LAMA3: variants seen among roughly 807,000 people sequenced by gnomAD.
LAMA3 encodes laminin subunit alpha-3.
In LAMA3, 281 loss-of-function variants were observed where a neutral mutation model predicts 402.0. The ratio of observed to expected loss-of-function variants is 0.70; its 90% CI spans 0.63 to 0.77. LAMA3 has a LOEUF of 0.77. Among genes scored for constraint, LAMA3 ranks in the 30% least tolerant of loss-of-function variants. LAMA3 has a pLI of 0.00. For missense variants in LAMA3, 3,840 were observed against 4,215.5 expected (o/e 0.91, Z 2.47); for synonymous variants, 1,431 against 1,558.4 (o/e 0.92, Z 1.93).
chr18:23,822,160 T>A, intron 19 of LAMA3, 92 bp from the exon 20 acceptor site: 1 of 1,378,650 alleles, frequency 7.3e-7, no homozygotes. Context: ...ACAAGTCCAG[T>A]AGTGACACTT....
intron 11 of LAMA3, among the ~76,000 whole-genome samples, chr18:23,783,558 G>A (rs1354227781): frequency 6.6e-6 from 1 of 152,216 alleles, no homozygotes; most frequent in Non-Finnish European, 1.5e-5. Context: ...TGGCTGTGGG[G>A]AAGGCCAGTG....
In LAMA3 at chr18:23,904,604, C is replaced by T. The variant is rs199949401; in HGVS notation, c.6525C>T (p.Ala2175=). The T allele has an allele frequency of 4.7e-5, 75 of 1,612,176 alleles. No homozygotes were observed. Among genetic ancestry groups the T allele is most frequent in the African/African-American group, 1.2e-4 (9 of 74,956 alleles). The change falls in exon 51 of 75, where the codon GCC becomes GCT. Residue 2175 remains alanine, a synonymous_variant. Coordinates refer to ENST00000313654, the MANE Select transcript of LAMA3 (RefSeq NM_198129.4). ...GDELVRCAVD[A]ATAYENILNA... is the part of the protein sequence containing the mutation. ...AGCTGGTGCGCTGTGCTGTGGATGC[C>T]GCCACCGCCTACGAGAACATCCTCA...
rs1000013857 is a variant in LAMA3, at chr18:23,853,186, A to AAAAT, written c.4137-4643_4137-4640dup. Among the ~76,000 whole-genome samples the AAAAT allele has an allele frequency of 5.3e-5, 8 of 152,324 alleles. No individual in the cohort carries two copies. The South Asian group carries it at 6.2e-4, about 12-fold the overall frequency. ...AGGCACTCAATAATTCTTGAGTGAAAAAATAAATAAATAAATAAGGTAGAT... is the reference window on the plus strand; with the variant it reads ...AGGCACTCAATAATTCTTGAGTGAAAAAATAAATAAATAAATAAATAAGGTAGAT... On this transcript the variant is annotated intron_variant, in intron 32 of 74. Transcript: ENST00000313654.
chr18:23,717,575 C>CA (rs2061126958), intron 2 of LAMA3, among the ~76,000 whole-genome samples: 1 of 96,254 alleles, frequency 1.0e-5, no homozygotes, highest in Admixed American at 1.6e-4. Context: ...TTTTTTGAGA[C>CA]AGAGTCTCAC....
chr18:23,717,719 A>ATT (rs1568109215), intron 2 of LAMA3, among the ~76,000 whole-genome samples: 2,671 of 116,642 alleles, frequency 0.023, 719 homozygotes, highest in East Asian at 0.11. Context: ...TGCCTGGCTA[A>ATT]ATTTTTTTTT....
rs569932442 is a variant in LAMA3, at chr18:23,777,916, G to A, written c.1468+297G>A. Among the ~76,000 whole-genome samples the A allele has an allele frequency of 1.8e-4, 27 of 152,260 alleles. 1 individual carries two copies. The South Asian group carries it at 2.7e-3, about 15-fold the overall frequency. On this transcript the variant is annotated intron_variant, in intron 11 of 74. Transcript: ENST00000313654. ...GTCTGTTGTCTTTTTTGAGTTCCCC[G>A]AAAACAGACCCTGAAAAAGGAATGG... is the stretch of plus-strand genomic sequence containing the variant.
At chr18:23,952,857 A>G in intron 73 of LAMA3, 133 bp from the exon 74 acceptor site, 1 of 1,102,114 alleles carries the variant, frequency 9.1e-7, no homozygotes, top group Non-Finnish European at 1.4e-6. Flanking sequence ...TTGAATTTAT[A>G]TCTAAGCTGA....
At chr18:23,859,689 C>T (rs992650517) in intron 34 of LAMA3, among the ~76,000 whole-genome samples, 4 of 152,206 alleles carry the variant, frequency 2.6e-5, no homozygotes, top group Admixed American at 6.5e-5. Context: ...GGCATGCAGA[C>T]GTGTTTACCC....
chr18:23,870,630 T>C (rs952378799), intron 37 of LAMA3, among the ~76,000 whole-genome samples: 2 of 152,180 alleles, frequency 1.3e-5, no homozygotes, highest in East Asian at 1.9e-4. Context: ...TATATAGATA[T>C]ATGCAATGGA....
intron 39 of LAMA3, among the ~76,000 whole-genome samples, chr18:23,878,014 G>A (rs2064778585): frequency 6.6e-6 from 1 of 152,324 alleles, no homozygotes; most frequent in Admixed American, 6.5e-5. Flanking sequence ...TTGGGAGGCT[G>A]AGGCAGGAGA....
chr18:23,737,582 T>A (rs1365892581), intron 2 of LAMA3, among the ~76,000 whole-genome samples: 1 of 152,240 alleles, frequency 6.6e-6, no homozygotes, highest in East Asian at 1.9e-4. Flanking sequence ...ACCTGGGATG[T>A]GCCTTCTCAT....
Position 23,783,871 on chromosome 18 carries a change from T to G in LAMA3, c.1469-152T>G, listed in dbSNP as rs2062486828. The stretch of plus-strand genomic sequence containing the variant: ...TTTTGTGAATTTTTAAAAATTTCCC[T>G]TCAACGCAGTGTAGTCTTCTGCGTT... On this transcript the variant is annotated intron_variant, in intron 11 of 74. Coordinates refer to ENST00000313654, the MANE Select transcript of LAMA3 (RefSeq NM_198129.4). 3 of 1,034,786 alleles carry G rather than the reference T, an allele frequency of 2.9e-6. No homozygotes were observed. In the South Asian group the frequency reaches 4.0e-5, roughly 14 times the overall value. 64.1% of individuals were successfully genotyped at this position (1,034,786 alleles called of 1,614,324 possible).
chr18:23,800,560 T>C (rs759503391), intron 12 of LAMA3, among the ~76,000 whole-genome samples: 19 of 152,176 alleles, frequency 1.2e-4, no homozygotes, highest in Non-Finnish European at 1.8e-4. Context: ...TCTCTTCTAG[T>C]TTTTTGAAAG....
Position 23,689,538 on chromosome 18 carries a change from T to TGGAGCAAGG in LAMA3, c.-140_-132dup. The TGGAGCAAGG allele has an allele frequency of 2.6e-6, 2 of 762,552 alleles. No individual in the cohort carries two copies. Among genetic ancestry groups the TGGAGCAAGG allele is most frequent in the Non-Finnish European group, 3.5e-6 (2 of 565,620 alleles). The allele number at this position is 762,552 out of a possible 1,614,324, so 47.2% of individuals were successfully genotyped here. On this transcript the variant is annotated 5_prime_UTR_variant, in exon 1 of 75. Coordinates refer to ENST00000313654, the MANE Select transcript of LAMA3 (RefSeq NM_198129.4). The stretch of plus-strand genomic sequence containing the variant: ...CCCCACGCCGCGGGCTTCCAGCGCG[T>TGGAGCAAGG]GGAGCAAGGGGAGCGGCCCCGGCGC...
intron 49 of LAMA3, among the ~76,000 whole-genome samples, chr18:23,903,398 A>G (rs2081137933): frequency 6.6e-6 from 1 of 152,248 alleles, no homozygotes; most frequent in African/African-American, 2.4e-5. Flanking sequence ...TTTTTAAAAT[A>G]TCAAGCATAC....
chr18:23,895,092 G>T (rs944437746), intron 44 of LAMA3, 34 bp downstream of exon 44: 8 of 1,560,720 alleles, frequency 5.1e-6, no homozygotes, highest in Non-Finnish European at 6.9e-6. Context: ...AGACACGTGG[G>T]GAGGAGATGC....
At chr18:23,824,822 C>T (rs1237919021) in intron 21 of LAMA3, among the ~76,000 whole-genome samples, 1 of 152,172 alleles carries the variant, frequency 6.6e-6, no homozygotes, top group East Asian at 1.9e-4. Context: ...TAAAAAAGGT[C>T]TCCTAAAGAC....
chr18:23,728,505 G>A (rs1258177923), intron 2 of LAMA3, among the ~76,000 whole-genome samples: 1 of 152,180 alleles, frequency 6.6e-6, no homozygotes, highest in Non-Finnish European at 1.5e-5. Flanking sequence ...CAGGGTAGGA[G>A]AGGTCCTCAG....
chr18:23,852,048 C>T (rs1392164358), intron 32 of LAMA3, among the ~76,000 whole-genome samples: 1 of 152,148 alleles, frequency 6.6e-6, no homozygotes, highest in Non-Finnish European at 1.5e-5. Flanking sequence ...ACCCATTTTC[C>T]CTACAGCCAG....
Sources: allele counts gnomAD v4.1 joint callset (sites outside exome capture counted in the v4.1 genomes callset), GRCh38; gene constraint gnomAD v4.1.1; transcripts MANE v1.5; gene names NCBI Gene and HGNC (gene_info 2026-07-23, HGNC 2026-07-21).